Variants in DIAPH2 observed in about 807,000 individuals in gnomAD.
DIAPH2 encodes the protein diaphanous related formin 2.
Under a neutral mutation model 92.7 loss-of-function variants are expected in DIAPH2, and 35 were observed. The ratio of observed to expected loss-of-function variants is 0.38; its 90% confidence interval spans 0.29 to 0.50. The LOEUF (loss-of-function observed/expected upper bound fraction) is 0.50, where lower values mean the gene tolerates loss of function less well. Among genes scored for constraint, DIAPH2 ranks in the 20% least tolerant of loss-of-function variants. The pLI is 0.94. For missense variants in DIAPH2, 701 were observed against 819.5 expected, an observed-to-expected ratio of 0.86 and a Z score of 1.77; for synonymous variants, 301 against 280.4, an observed-to-expected ratio of 1.07 and a Z score of -0.73.
chrX:97,320,107 A>AT (rs1224830273), intron 23 of DIAPH2, among the ~76,000 whole-genome samples: 34 of 105,683 alleles, frequency 3.2e-4, no homozygotes, highest in African/African-American at 1.1e-3. Flanking sequence ...CTCAAAAAAA[A>AT]AATATATATA....
At chrX:97,219,998 A>G (rs2067911862) in intron 22 of DIAPH2, among the ~76,000 whole-genome samples, 1 of 112,126 alleles carries the variant, frequency 8.9e-6, no homozygotes, top group Non-Finnish European at 1.9e-5. Context: ...GTAAATTCTC[A>G]GAGATATTTC....
At chrX:97,097,277 C>T (rs920673371) in intron 19 of DIAPH2, among the ~76,000 whole-genome samples, 1 of 112,030 alleles carries the variant, frequency 8.9e-6, no homozygotes, top group African/African-American at 3.2e-5. Flanking sequence ...GTAGGTGACT[C>T]ATAAGAGCAA....
chrX:97,010,513 G>A (rs762783996), intron 17 of DIAPH2, among the ~76,000 whole-genome samples: 2 of 111,905 alleles, frequency 1.8e-5, no homozygotes, highest in African/African-American at 6.5e-5. Context: ...TGGTGTTCTT[G>A]TGGGGAGGAT....
At chrX:97,284,913 T>C (rs1420402927) in intron 23 of DIAPH2, among the ~76,000 whole-genome samples, 2 of 111,852 alleles carry the variant, frequency 1.8e-5, no homozygotes, top group African/African-American at 6.5e-5. Context: ...TCAATAGTTA[T>C]TGAACAAATA....
At chrX:97,143,513 TTACTA>T (rs1461709297) in intron 22 of DIAPH2, among the ~76,000 whole-genome samples, 1 of 109,896 alleles carries the variant, frequency 9.1e-6, no homozygotes, top group Non-Finnish European at 1.9e-5. Flanking sequence ...TGTAATATAT[TTACTA>T]TACATAAATA....
intron 5 of DIAPH2, among the ~76,000 whole-genome samples, chrX:96,892,387 A>G (rs2065313193): frequency 8.9e-6 from 1 of 112,059 alleles, no homozygotes; most frequent in Admixed American, 9.5e-5. Context: ...AAATCCATAA[A>G]TCATTTTAGA....
At chrX:96,990,635 T>C (rs918173802) in intron 17 of DIAPH2, among the ~76,000 whole-genome samples, 3 of 111,958 alleles carry the variant, frequency 2.7e-5, no homozygotes, top group Non-Finnish European at 5.6e-5. Flanking sequence ...CTACATCTGA[T>C]ACTTTGATAC....
chrX:96,928,495 A>G lies in DIAPH2; in HGVS notation c.979-2238A>G, dbSNP rs193074279. The stretch of plus-strand genomic sequence containing the variant: ...GTTTTGAATTTGAGATATCGTTTCT[A>G]TTCTCTGAAAAGGGCAGCACTTGTG... On this transcript the variant is annotated intron_variant, in intron 9 of 26. Transcript: ENST00000324765. Among the ~76,000 whole-genome samples the G allele has an allele frequency of 5.7e-4, 64 of 111,368 alleles. 1 individual carries two copies. Among genetic ancestry groups the G allele is most frequent in the African/African-American group, 1.9e-3 (60 of 30,837 alleles).
At chrX:97,288,364 A>G (rs1217287336) in intron 23 of DIAPH2, among the ~76,000 whole-genome samples, 2 of 111,324 alleles carry the variant, frequency 1.8e-5, no homozygotes, top group African/African-American at 3.3e-5. Context: ...GCTAGTAATT[A>G]TATAATTTAA....
chrX:96,967,370 T>G (rs1487562954), intron 17 of DIAPH2, among the ~76,000 whole-genome samples: 1 of 104,469 alleles, frequency 9.6e-6, no homozygotes, highest in African/African-American at 3.5e-5. Context: ...AAGGATATCA[T>G]TTTTTATTTT....
chrX:96,792,189 G>T (rs1178314040), intron 4 of DIAPH2, among the ~76,000 whole-genome samples: 1 of 111,937 alleles, frequency 8.9e-6, no homozygotes, highest in African/African-American at 3.3e-5. Flanking sequence ...ACAGAATGTT[G>T]TTTTATGATA....
At chrX:97,530,718 AT>A (rs751517747) in intron 26 of DIAPH2, among the ~76,000 whole-genome samples, 12 of 109,776 alleles carry the variant, frequency 1.1e-4, no homozygotes, top group African/African-American at 3.6e-4. Flanking sequence ...AGACTTTTAA[AT>A]TAGCATGATT....
At chrX:97,460,602 G>GCTTT (rs1376580683) in intron 26 of DIAPH2, among the ~76,000 whole-genome samples, 1 of 111,968 alleles carries the variant, frequency 8.9e-6, no homozygotes, top group African/African-American at 3.2e-5. Context: ...TAATCCTTTA[G>GCTTT]AAATGAAGAA....
At chrX:97,348,437 A>G (rs1431028412) in intron 24 of DIAPH2, among the ~76,000 whole-genome samples, 157 bp downstream of exon 24, 2 of 111,974 alleles carry the variant, frequency 1.8e-5, no homozygotes, top group Non-Finnish European at 3.8e-5. Context: ...ACATGGATAA[A>G]AATTAAGTTA....
intron 25 of DIAPH2, among the ~76,000 whole-genome samples, chrX:97,425,780 C>CA (rs770197385): frequency 3.8e-3 from 219 of 57,871 alleles, no homozygotes; most frequent in African/African-American, 8.9e-3. Context: ...GACTCGGTCT[C>CA]AAAAAAAAAA....
At chrX:96,746,359 A>T (rs1207593481) in intron 3 of DIAPH2, among the ~76,000 whole-genome samples, 4 of 111,914 alleles carry the variant, frequency 3.6e-5, no homozygotes, top group African/African-American at 1.3e-4. Flanking sequence ...TTCAAGAATT[A>T]AAACCACTGC....
chrX:97,039,449 C>A (rs2066433730), intron 17 of DIAPH2, among the ~76,000 whole-genome samples: 1 of 111,314 alleles, frequency 9.0e-6, no homozygotes, highest in African/African-American at 3.3e-5. Context: ...ACCGTTGAAA[C>A]TAGAATTTCC....
intron 24 of DIAPH2, among the ~76,000 whole-genome samples, chrX:97,381,961 C>G (rs1243979319): frequency 9.0e-6 from 1 of 110,946 alleles, no homozygotes; most frequent in Non-Finnish European, 1.9e-5. Flanking sequence ...TGGGAGCACT[C>G]AGCATGTAAA....
intron 23 of DIAPH2, among the ~76,000 whole-genome samples, chrX:97,283,493 C>T (rs1211194423): frequency 4.5e-5 from 5 of 112,006 alleles, no homozygotes; most frequent in African/African-American, 9.7e-5. Context: ...CCATATCTTA[C>T]GTCTAACAAT....
Sources: gnomAD v4.1 joint callset for allele counts (sites outside exome capture counted in the v4.1 genomes callset) on GRCh38, gnomAD v4.1.1 for gene constraint, MANE v1.5 for transcripts, NCBI Gene and HGNC (gene_info 2026-07-23, HGNC 2026-07-21) for gene names.